CHRNA2: variants seen among roughly 807,000 people sequenced by gnomAD.
CHRNA2 encodes neuronal acetylcholine receptor subunit alpha-2.
Under a neutral mutation model 45.5 loss-of-function variants are expected in CHRNA2, and 40 were observed. The observed-to-expected ratio is 0.88, with a 90% confidence interval of 0.68 to 1.15. The LOEUF is 1.15. Ranked by LOEUF, CHRNA2 falls within the 50% of genes most tolerant of loss-of-function variation. The pLI is 0.00. For missense variants in CHRNA2, 655 were observed against 701.7 expected (o/e 0.93, Z 0.75); for synonymous variants, 301 against 296.7 (o/e 1.01, Z -0.15).
chr8:27,476,051 A>T (rs540852849), intron 1 of CHRNA2, among the ~76,000 whole-genome samples: 1 of 152,364 alleles, frequency 6.6e-6, no homozygotes, highest in East Asian at 1.9e-4. Context: ...GCAGCACTGC[A>T]TCAAACATTT....
In CHRNA2 at chr8:27,461,403, T is replaced by C. The variant is rs1812480758; in HGVS notation, c.*226A>G. On this transcript the variant is annotated 3_prime_UTR_variant, in exon 7 of 7. Transcript: ENST00000407991. ...ACACTATTGCGACCTTCTGCAGAGC[T>C]TCCCCAGCTCCTCCGTATCCAAAAC... The C allele has an allele frequency of 6.6e-6, 4 of 601,598 alleles. No homozygotes were observed. Among genetic ancestry groups the C allele is most frequent in the Non-Finnish European group, 1.1e-5 (4 of 347,856 alleles). 37.3% of individuals were successfully genotyped at this position (601,598 alleles called of 1,614,324 possible). A position where few individuals can be genotyped will look rare whatever the true frequency, so the allele number is the denominator to read the frequency against.
rs199810678 is a variant in CHRNA2 at position 27,469,828 on chromosome 8, G to A, written c.227C>T (p.Pro76Leu). The change falls in exon 3 of 7, where the codon CCG becomes CTG. Residue 76 changes from proline (P) to leucine (L), a missense_variant. Around this residue, in one of 3 missense-constraint regions of CHRNA2, gnomAD observed 323 missense variants for 354.4 expected, o/e 0.91. Transcript: ENST00000407991. ...LFRGYNRWAR[P>L]VPNTSDVVIV... ...CACCACGTCTGAAGTGTTGGGCACC[G>A]GGCGCGCCCAGCGGTTGTAGCCCCG... 20 of 1,614,192 alleles carry A rather than the reference G, an allele frequency of 1.2e-5. No individual in the cohort carries two copies. The highest frequency in any genetic ancestry group is 8.0e-5 in the African/African-American group (6 of 75,060).
intron 1 of CHRNA2, 24 bp from the exon 2 acceptor site, chr8:27,471,218 C>G (rs1439846141): frequency 2.9e-6 from 2 of 679,938 alleles, no homozygotes; most frequent in Admixed American, 4.4e-5. Context: ...AGAAAGGGCT[C>G]TTAGGGTCAT....
At position 27,463,866 on chromosome 8, in the gene CHRNA2, C is replaced by T. The variant is rs373358886; in HGVS notation, c.577G>A (p.Asp193Asn). ...AACTTCATCTTGCAGTTCTGCTGGTCGAAGGGGAAGAAGGTGACGTCGATG... is the reference window on the plus strand; with the variant it reads ...AACTTCATCTTGCAGTTCTGCTGGTTGAAGGGGAAGAAGGTGACGTCGATG... ...CSIDVTFFPF[D>N]QQNCKMKFGS... is the part of the protein sequence containing the mutation. The change falls in exon 6 of 7, where the codon GAC (aspartate) becomes AAC (asparagine). Residue 193 changes from aspartate to asparagine, a missense_variant. By Grantham distance (23) the Asp-to-Asn change is conservative (BLOSUM62 1). Coordinates refer to ENST00000407991, the MANE Select transcript of CHRNA2 (RefSeq NM_000742.4). This position sits in a 1 kb window ranked among gnomAD's most constrained non-coding sequence, Gnocchi z 6.1. 4 of 1,613,976 alleles carry T rather than the reference C, an allele frequency of 2.5e-6. No homozygotes were observed. The highest frequency in any genetic ancestry group is 2.7e-5 in the African/African-American group (2 of 74,894).
rs201922955 is a variant in CHRNA2, at chr8:27,469,840, C to A, written c.215G>T (p.Arg72Leu). ...AGTGTTGGGCACCGGGCGCGCCCAG[C>A]GGTTGTAGCCCCGGAAGAGGTGTTT... ...LFKHLFRGYNRWARPVPNTSD... is the reference protein window; with the variant it reads ...LFKHLFRGYNLWARPVPNTSD... The change falls in exon 3 of 7, where the codon CGC becomes CTC. Residue 72 changes from arginine (R) to leucine (L), a missense_variant. Coordinates refer to ENST00000407991, the MANE Select transcript of CHRNA2 (RefSeq NM_000742.4). The A allele has an allele frequency of 6.2e-7, 1 of 1,614,112 alleles. No homozygotes were observed. Among genetic ancestry groups the A allele is most frequent in the East Asian group, 2.2e-5 (1 of 44,858 alleles).
At chr8:27,462,728 G>A (rs1812535155) in intron 6 of CHRNA2, among the ~76,000 whole-genome samples, 1 of 152,184 alleles carries the variant, frequency 6.6e-6, no homozygotes, top group African/African-American at 2.4e-5. Flanking sequence ...CCGGCTCTCA[G>A]GATCCCTGTT....
In CHRNA2 at chr8:27,460,391, AG is replaced by A. The variant is rs1167370386; in HGVS notation, c.*1237del. 1.3e-5 allele frequency: 2 copies of A among 152,306 alleles called. No individual in the cohort carries two copies. The allele number at this position is 152,306 out of a possible 1,614,324, so 9.4% of individuals were successfully genotyped here. A position where few individuals can be genotyped will look rare whatever the true frequency, so the allele number is the denominator to read the frequency against. On this transcript the variant is annotated 3_prime_UTR_variant, in exon 7 of 7. Transcript: ENST00000407991. Reference sequence around the variant, plus strand: ...CTCGGGGCTCTGGGAGAGACGAGGCAGGCTGATAAGGGACGGGACCACAGCT... The same window carrying A: ...CTCGGGGCTCTGGGAGAGACGAGGCAGCTGATAAGGGACGGGACCACAGCT...
In CHRNA2 at chr8:27,471,093, C is replaced by T. The variant is rs1185373761; in HGVS notation, c.-35G>A. On this transcript the variant is annotated 5_prime_UTR_variant, in exon 2 of 7. Coordinates refer to ENST00000407991, the MANE Select transcript of CHRNA2 (RefSeq NM_000742.4). ...TGAGCATCAGGAGGTCAGGTCAGGG[C>T]TTTGCTGTGGGTTGCACCATGGACC... The T allele has an allele frequency of 1.2e-6, 2 of 1,600,754 alleles. No homozygotes were observed. The highest frequency in any genetic ancestry group is 1.1e-5 in the South Asian group (1 of 90,630).
rs1184707367 is a variant in CHRNA2, at chr8:27,459,793, T to G, written c.*1836A>C. 6.6e-6 allele frequency: 1 copy of G among 152,476 alleles called. No homozygotes were observed. The highest frequency in any genetic ancestry group is 1.9e-4 in the East Asian group (1 of 5,236). The allele number at this position is 152,476 out of a possible 1,614,324, so 9.4% of individuals were successfully genotyped here. ...TAGGTGCAGCTTTATTTAATCTCTT[T>G]ATTCACATGCAAGATGGATGGGAGA... On this transcript the variant is annotated 3_prime_UTR_variant, in exon 7 of 7. Transcript: ENST00000407991.
Position 27,460,828 on chromosome 8 carries a change from G to T in CHRNA2, c.*801C>A, listed in dbSNP as rs1472964634. ...CTCAGCTCTGCCAGACCTCCTGGGG[G>T]CCGGCTGGTGCAGAGCCATTTTGCA... is the stretch of plus-strand genomic sequence containing the variant. On this transcript the variant is annotated 3_prime_UTR_variant, in exon 7 of 7. Transcript: ENST00000407991. 6.6e-6 allele frequency: 1 copy of T among 152,256 alleles called. No homozygotes were observed. The highest frequency in any genetic ancestry group is 1.5e-5 in the Non-Finnish European group (1 of 68,112). 9.4% of individuals were successfully genotyped at this position (152,256 alleles called of 1,614,324 possible). A position where few individuals can be genotyped will look rare whatever the true frequency, so the allele number is the denominator to read the frequency against.
In CHRNA2 at chr8:27,461,674, C is replaced by A; in HGVS notation, c.1545G>T (p.Gly515=). ...LWLFIIVCFL[G]TIGLFLPPFL... The stretch of plus-strand genomic sequence containing the variant: ...ACGGAGGCAGAAAGAGGCCGATGGT[C>A]CCCAGGAAGCAGACGATGATAAACA... Residue 515 remains glycine (G), a synonymous_variant, in exon 7 of 7, where the codon GGG becomes GGT. Coordinates refer to ENST00000407991, the MANE Select transcript of CHRNA2 (RefSeq NM_000742.4). The A allele has an allele frequency of 6.2e-7, 1 of 1,614,202 alleles. No individual in the cohort carries two copies. The highest frequency in any genetic ancestry group is 8.5e-7 in the Non-Finnish European group (1 of 1,180,032).
intron 4 of CHRNA2, among the ~76,000 whole-genome samples, chr8:27,468,986 C>A (rs1812784777): frequency 2.0e-5 from 3 of 152,238 alleles, no homozygotes; most frequent in Admixed American, 6.5e-5. Context: ...CTTCTCTCTG[C>A]TTCGTGATCT....
Position 27,461,600 on chromosome 8 carries a change from C to T in CHRNA2, c.*29G>A, listed in dbSNP as rs186509115. On this transcript the variant is annotated 3_prime_UTR_variant, in exon 7 of 7. Transcript: ENST00000407991. ...GGTCAAAAGATGGTCAGCGGGGGTG[C>T]CCTGGGAGCCAGCTCGAGGGAGGTG... is the stretch of plus-strand genomic sequence containing the variant. 836 of 1,613,804 alleles carry T rather than the reference C, an allele frequency of 5.2e-4. 6 individuals are homozygous for T. The East Asian group carries it at 8.9e-3, about 17-fold the overall frequency.
Position 27,467,282 on chromosome 8 carries a change from A to G in CHRNA2, c.396T>C (p.Ser132=). 1.9e-6 allele frequency: 3 copies of G among 1,614,090 alleles called. No individual in the cohort carries two copies. Among genetic ancestry groups the G allele is most frequent in the African/African-American group, 2.7e-5 (2 of 75,046 alleles). ...WNPTDFGNIT[S]LRVPSEMIWI... is the part of the protein sequence containing the mutation. ...AGATCATCTCAGAAGGGACCCTGAGAGATGTGATGTTGCCAAAATCAGTGG... is the reference window on the plus strand; with the variant it reads ...AGATCATCTCAGAAGGGACCCTGAGGGATGTGATGTTGCCAAAATCAGTGG... The change falls in exon 5 of 7, where the codon TCT becomes TCC. Residue 132 remains serine (S), a synonymous_variant. Coordinates refer to ENST00000407991, the MANE Select transcript of CHRNA2 (RefSeq NM_000742.4).
At chr8:27,465,240 G>T (rs904517536) in intron 5 of CHRNA2, among the ~76,000 whole-genome samples, 2 of 152,074 alleles carry the variant, frequency 1.3e-5, no homozygotes, top group African/African-American at 4.8e-5. Flanking sequence ...TGGCTCGGTG[G>T]GCTCCTGCTC....
chr8:27,463,573 G>A lies in CHRNA2; in HGVS notation c.870C>T (p.Pro290=), dbSNP rs1327999139. The change falls in exon 6 of 7, where the codon CCC becomes CCT. Residue 290 remains proline, a synonymous_variant. Coordinates refer to ENST00000407991, the MANE Select transcript of CHRNA2 (RefSeq NM_000742.4). This position sits in a 1 kb window ranked among gnomAD's most constrained non-coding sequence, Gnocchi z 6.1. ...GCGTGATCTTCTCGCCGCAGTCGGA[G>A]GGCAGGTAGAAGACCAGCACAGTGA... ...SCLTVLVFYL[P]SDCGEKITLC... The A allele has an allele frequency of 1.9e-6, 3 of 1,614,222 alleles. No individual in the cohort carries two copies. Among genetic ancestry groups the A allele is most frequent in the East Asian group, 4.5e-5 (2 of 44,884 alleles).
intron 4 of CHRNA2, among the ~76,000 whole-genome samples, chr8:27,469,017 G>A (rs1812785481): frequency 6.6e-6 from 1 of 152,204 alleles, no homozygotes; most frequent in South Asian, 2.1e-4. Flanking sequence ...AAAATGGGCA[G>A]AATGAACCCC....
intron 6 of CHRNA2, among the ~76,000 whole-genome samples, chr8:27,462,415 G>T (rs1812522028): frequency 1.3e-5 from 2 of 152,216 alleles, no homozygotes; most frequent in South Asian, 4.1e-4. Context: ...GACAGGAGCT[G>T]GGGCAGGGGT....
rs1407710019 is a variant in CHRNA2, at chr8:27,460,395, TG to T, written c.*1233del. ...GGGCTCTGGGAGAGACGAGGCAGGC[TG>T]ATAAGGGACGGGACCACAGCTTTGC... On this transcript the variant is annotated 3_prime_UTR_variant, in exon 7 of 7. Transcript: ENST00000407991. 2 of 152,318 alleles carry T rather than the reference TG, an allele frequency of 1.3e-5. No homozygotes were observed. The highest frequency in any genetic ancestry group is 2.9e-5 in the Non-Finnish European group (2 of 68,142). The allele number at this position is 152,318 out of a possible 1,614,324, so 9.4% of individuals were successfully genotyped here.
Sources: gnomAD v4.1 joint callset for allele counts (sites outside exome capture counted in the v4.1 genomes callset) on GRCh38, gnomAD v4.1.1 for gene constraint, gnomAD v4.1.1 regional missense constraint, Gnocchi (gnomAD v3.1) non-coding constraint, MANE v1.5 for transcripts, NCBI Gene and HGNC (gene_info 2026-07-23, HGNC 2026-07-21) for gene names.